STIM1: variants seen among roughly 807,000 people sequenced by gnomAD.
STIM1 encodes stromal interaction molecule 1.
Under a neutral mutation model 74.7 loss-of-function variants are expected in STIM1, and 25 were observed. The ratio of observed to expected loss-of-function variants is 0.33; its 90% confidence interval spans 0.24 to 0.47. The LOEUF (loss-of-function observed/expected upper bound fraction) is 0.47. Among genes scored for constraint, STIM1 ranks in the 20% least tolerant of loss-of-function variants. STIM1 has a pLI of 1.00. For synonymous variants in STIM1, 328 were observed against 348.8 expected (o/e 0.94, Z 0.66); for missense variants, 728 against 920.8 (o/e 0.79, Z 2.71).
At chr11:4,000,718 G>A (rs1461268952) in intron 2 of STIM1, among the ~76,000 whole-genome samples, 17 of 147,440 alleles carry the variant, frequency 1.2e-4, no homozygotes, top group South Asian at 2.2e-4. Context: ...CACCAGCAAC[G>A]GAACAAAGCT....
chr11:3,910,837 A>AT (rs373903632), intron 1 of STIM1, among the ~76,000 whole-genome samples: 2,654 of 148,450 alleles, frequency 0.018, 55 homozygotes, highest in Admixed American at 0.025. Flanking sequence ...AAAAAAAAAA[A>AT]TATCCGGGCG....
intron 1 of STIM1, among the ~76,000 whole-genome samples, chr11:3,949,169 C>CG (rs1254308440): frequency 1.3e-5 from 2 of 152,066 alleles, no homozygotes; most frequent in East Asian, 3.9e-4. Flanking sequence ...AATCAAACCC[C>CG]GGGGGTCAGT....
At chr11:4,069,729 G>A (rs1394204131) in intron 5 of STIM1, among the ~76,000 whole-genome samples, 1 of 152,248 alleles carries the variant, frequency 6.6e-6, no homozygotes, top group Non-Finnish European at 1.5e-5. Flanking sequence ...GGGGCATATT[G>A]AGAAGGCACT....
chr11:3,990,578 G>C (rs1449644452), intron 2 of STIM1, among the ~76,000 whole-genome samples: 1 of 152,130 alleles, frequency 6.6e-6, no homozygotes, highest in Admixed American at 6.5e-5. Flanking sequence ...CAGTGTATAA[G>C]GGATCTGTTC....
intron 1 of STIM1, among the ~76,000 whole-genome samples, chr11:3,914,278 C>A (rs1486360360): frequency 6.6e-6 from 1 of 152,008 alleles, no homozygotes; most frequent in South Asian, 2.1e-4. Flanking sequence ...TTTCAAGGTC[C>A]ATCTATGTTG....
rs561561849 is a variant in STIM1 at position 4,020,777 on chromosome 11, A to AT, written c.271-3090dup. 6.2e-3 allele frequency among the ~76,000 whole-genome samples: 939 copies of AT among 150,422 alleles called. 6 individuals are homozygous for AT. The highest frequency in any genetic ancestry group is 0.014 in the South Asian group (67 of 4,726). On this transcript the variant is annotated intron_variant, in intron 2 of 12. Transcript: ENST00000526596. ...ACACCTGGCTAATTTTTTTTTTTTA[A>AT]TTTTTTGCACAGGCGGAGTCTCCCT...
chr11:4,054,104 C>A (rs2094268255), intron 3 of STIM1, among the ~76,000 whole-genome samples: 1 of 152,198 alleles, frequency 6.6e-6, no homozygotes, highest in Admixed American at 6.5e-5. Flanking sequence ...ACTGTGGCTA[C>A]TGGCTACTAC....
chr11:4,074,997 C>T (rs1249090183), intron 7 of STIM1, among the ~76,000 whole-genome samples: 5 of 151,946 alleles, frequency 3.3e-5, no homozygotes, highest in Admixed American at 2.6e-4. Flanking sequence ...AAAAATTAGC[C>T]GGGTGTGGCG....
intron 2 of STIM1, among the ~76,000 whole-genome samples, chr11:4,015,049 A>G (rs192461549): frequency 6.6e-6 from 1 of 152,268 alleles, no homozygotes; most frequent in Non-Finnish European, 1.5e-5. Context: ...GCCCATTTAC[A>G]TTTAAGGTTT....
chr11:3,905,655 C>G (rs2092454086), intron 1 of STIM1, among the ~76,000 whole-genome samples: 1 of 152,184 alleles, frequency 6.6e-6, no homozygotes, highest in Admixed American at 6.5e-5. Flanking sequence ...ATCTCTGATG[C>G]TCACCACAGT....
chr11:3,976,043 A>G (rs1373868847), intron 2 of STIM1, among the ~76,000 whole-genome samples: 3 of 152,240 alleles, frequency 2.0e-5, no homozygotes, highest in African/African-American at 7.2e-5. Context: ...TGTTTATAGT[A>G]TCTTTATTTG....
intron 1 of STIM1, among the ~76,000 whole-genome samples, chr11:3,895,717 T>C (rs1239744041): frequency 3.7e-4 from 14 of 37,392 alleles, no homozygotes; most frequent in Admixed American, 5.8e-4. Context: ...TTTCTTTCTT[T>C]CTTTCTTTCT....
intron 1 of STIM1, among the ~76,000 whole-genome samples, chr11:3,861,877 C>T (rs1193265378): frequency 3.3e-5 from 5 of 152,058 alleles, no homozygotes; most frequent in African/African-American, 4.8e-5. Flanking sequence ...TTTCCTAGGT[C>T]TCTACAGGAC....
intron 1 of STIM1, among the ~76,000 whole-genome samples, chr11:3,965,579 T>C (rs1027340421): frequency 2.0e-5 from 3 of 152,246 alleles, no homozygotes; most frequent in African/African-American, 7.2e-5. Flanking sequence ...GGGTGTATTC[T>C]GCTCTCTCCC....
At chr11:3,939,215 A>G (rs1001648438) in intron 1 of STIM1, among the ~76,000 whole-genome samples, 1 of 152,208 alleles carries the variant, frequency 6.6e-6, no homozygotes, top group African/African-American at 2.4e-5. Context: ...CAGTACCATC[A>G]TGATTATCTG....
At chr11:3,954,805 TA>T (rs1294902052) in intron 1 of STIM1, among the ~76,000 whole-genome samples, 2 of 152,206 alleles carry the variant, frequency 1.3e-5, no homozygotes, top group Non-Finnish European at 2.9e-5. Flanking sequence ...GGTGGGAGTA[TA>T]AAGTGATATG....
intron 1 of STIM1, among the ~76,000 whole-genome samples, chr11:3,946,730 T>C (rs1333682205): frequency 6.6e-6 from 1 of 152,200 alleles, no homozygotes; most frequent in African/African-American, 2.4e-5. Context: ...GCTATACTTT[T>C]TCCAGGGCCA....
intron 1 of STIM1, among the ~76,000 whole-genome samples, chr11:3,908,958 A>G (rs1398046713): frequency 6.6e-6 from 1 of 152,164 alleles, no homozygotes; most frequent in Non-Finnish European, 1.5e-5. Flanking sequence ...GCTTGCATAC[A>G]CAGAAAGTGA....
intron 3 of STIM1, among the ~76,000 whole-genome samples, chr11:4,029,640 G>C (rs765048652): frequency 7.9e-5 from 12 of 152,040 alleles, no homozygotes; most frequent in African/African-American, 2.9e-4. Context: ...TGGTGTGTGC[G>C]TATGTGTGCC....
Sources: gnomAD v4.1 joint callset for allele counts (sites outside exome capture counted in the v4.1 genomes callset) on GRCh38, gnomAD v4.1.1 for gene constraint, MANE v1.5 for transcripts, NCBI Gene and HGNC (gene_info 2026-07-23, HGNC 2026-07-21) for gene names.